SLC12A8: variants seen among roughly 807,000 people sequenced by gnomAD.
SLC12A8 encodes cation-chloride cotransporter 9.
A neutral mutation model predicts 75.6 loss-of-function variants in SLC12A8; 69 were observed. That is an observed-to-expected ratio of 0.91 (90% confidence interval 0.75 to 1.11). The LOEUF is 1.11. SLC12A8 is among the 50% of genes most tolerant of loss of function. The pLI is 0.00. For missense variants in SLC12A8, 877 were observed against 896.7 expected (o/e 0.98, Z 0.28); for synonymous variants, 365 against 372.8 (o/e 0.98, Z 0.24).
At chr3:125,153,648 A>ATTTATT (rs1283067302) in intron 5 of SLC12A8, among the ~76,000 whole-genome samples, 6 of 100,698 alleles carry the variant, frequency 6.0e-5, no homozygotes, top group African/African-American at 2.0e-4. Flanking sequence ...ATTTATTTAT[A>ATTTATT]TATTTTTTGA....
chr3:125,143,131 G>C (rs538827027), intron 5 of SLC12A8, among the ~76,000 whole-genome samples: 14 of 152,212 alleles, frequency 9.2e-5, no homozygotes, highest in Non-Finnish European at 1.8e-4. Context: ...CTGTTCAAAA[G>C]ACACGCAGAG....
At chr3:125,149,066 C>T (rs1017846829) in intron 5 of SLC12A8, among the ~76,000 whole-genome samples, 1 of 152,168 alleles carries the variant, frequency 6.6e-6, no homozygotes, top group Non-Finnish European at 1.5e-5. Flanking sequence ...GGGCGAGGCT[C>T]AGAAGTGTGG....
At chr3:125,137,289 AG>A (rs1933516711) in intron 5 of SLC12A8, among the ~76,000 whole-genome samples, 1 of 152,266 alleles carries the variant, frequency 6.6e-6, no homozygotes, top group Non-Finnish European at 1.5e-5. Context: ...TTGGGAGTCC[AG>A]TCAGGACTTA....
At position 125,187,139 on chromosome 3, in the gene SLC12A8, G is replaced by T. The variant is rs541703388; in HGVS notation, c.390+98C>A. 1.2e-5 allele frequency: 15 copies of T among 1,253,486 alleles called. No homozygotes were observed. The South Asian group carries it at 1.6e-4, about 14-fold the overall frequency. The allele number at this position is 1,253,486 out of a possible 1,614,324, so 77.6% of individuals were successfully genotyped here. A position where few individuals can be genotyped will look rare whatever the true frequency, so the allele number is the denominator to read the frequency against. ...TGCTCGTCTGTCACATGCGGCAATT[G>T]TCCCCACCCTCGCTTCTCCCCAGGT... On this transcript the variant is annotated intron_variant, in intron 4 of 13. Transcript: ENST00000469902.
Position 125,083,736 on chromosome 3 carries a change from AG to A in SLC12A8, c.*153del. Reference sequence around the variant, plus strand: ...GACTCTGTCTCAAAAAAAAAAAAAAAGGGAAAAGAAAATGTAGATTTCCATT... The same window carrying A: ...GACTCTGTCTCAAAAAAAAAAAAAAAGGAAAAGAAAATGTAGATTTCCATT... On this transcript the variant is annotated 3_prime_UTR_variant, in exon 14 of 14. Coordinates refer to ENST00000469902, the MANE Select transcript of SLC12A8 (RefSeq NM_024628.6). 1 of 744,672 alleles carries A rather than the reference AG, an allele frequency of 1.3e-6. No individual in the cohort carries two copies. The allele number at this position is 744,672 out of a possible 1,614,324, so 46.1% of individuals were successfully genotyped here. A position where few individuals can be genotyped will look rare whatever the true frequency, so the allele number is the denominator to read the frequency against.
At chr3:125,181,226 T>G (rs1019774258) in intron 4 of SLC12A8, among the ~76,000 whole-genome samples, 1 of 152,170 alleles carries the variant, frequency 6.6e-6, no homozygotes, top group Non-Finnish European at 1.5e-5. Flanking sequence ...AACGAGAATG[T>G]TTTATTCAAA....
intron 5 of SLC12A8, among the ~76,000 whole-genome samples, chr3:125,156,504 AAATC>A (rs1934054442): frequency 6.6e-6 from 1 of 152,252 alleles, no homozygotes; most frequent in Non-Finnish European, 1.5e-5. Flanking sequence ...ACGAGACAAA[AAATC>A]AATCAAAGTT....
intron 5 of SLC12A8, chr3:125,154,792 C>T (rs1318528147): frequency 3.9e-5 from 6 of 152,206 alleles, no homozygotes; most frequent in Non-Finnish European, 8.8e-5. Flanking sequence ...GAACGTCTCT[C>T]TCTCAAAATA....
intron 5 of SLC12A8, among the ~76,000 whole-genome samples, chr3:125,138,845 AACACACACACACACACACACACAC>A (rs3061221): frequency 4.4e-5 from 6 of 137,746 alleles, no homozygotes; most frequent in Non-Finnish European, 7.8e-5. Flanking sequence ...CCTTCTACAA[AACACACACACACACACACACACAC>A]ACACACACAC....
Position 125,083,840 on chromosome 3 carries a change from G to A in SLC12A8, c.*50C>T, listed in dbSNP as rs376552015. On this transcript the variant is annotated 3_prime_UTR_variant, in exon 14 of 14. Coordinates refer to ENST00000469902, the MANE Select transcript of SLC12A8 (RefSeq NM_024628.6). ...AGCTCCACGAAGGTCCTGAGCTTGG[G>A]TCCACTGTACATGGGACAGCTCCAA... 2.6e-6 allele frequency: 4 copies of A among 1,567,122 alleles called. No individual in the cohort carries two copies. The African/African-American group carries it at 5.4e-5, about 21-fold the overall frequency.
chr3:125,154,867 G>A (rs368373080), intron 5 of SLC12A8: 2 of 152,192 alleles, frequency 1.3e-5, no homozygotes, highest in African/African-American at 2.4e-5. Flanking sequence ...CCTACGTGAC[G>A]AGAAGTGAGG....
chr3:125,208,851 T>C (rs138960933), intron 2 of SLC12A8, among the ~76,000 whole-genome samples: 302 of 142,144 alleles, frequency 2.1e-3, no homozygotes, highest in Non-Finnish European at 3.3e-3. Flanking sequence ...CTAAAATGAT[T>C]AAAGCCAAAC....
intron 6 of SLC12A8, among the ~76,000 whole-genome samples, chr3:125,135,406 C>G (rs889470307): frequency 6.6e-6 from 1 of 152,090 alleles, no homozygotes; most frequent in Non-Finnish European, 1.5e-5. Context: ...TATCGAAGGC[C>G]TTCAGTAAAC....
intron 8 of SLC12A8, among the ~76,000 whole-genome samples, chr3:125,111,146 C>T (rs1163837218): frequency 6.6e-6 from 1 of 152,204 alleles, no homozygotes; most frequent in African/African-American, 2.4e-5. Context: ...GTGGTGCCCC[C>T]TCCACTAATC....
intron 5 of SLC12A8, among the ~76,000 whole-genome samples, chr3:125,175,200 CA>C (rs1180261694): frequency 6.6e-6 from 1 of 152,148 alleles, no homozygotes; most frequent in African/African-American, 2.4e-5. Flanking sequence ...ATAATCTCAA[CA>C]GAAAGATAGT....
At chr3:125,186,522 C>A (rs1295022966) in intron 4 of SLC12A8, among the ~76,000 whole-genome samples, 1 of 152,214 alleles carries the variant, frequency 6.6e-6, no homozygotes, top group Non-Finnish European at 1.5e-5. Flanking sequence ...CACCCACCAC[C>A]ATTTGCACTC....
rs776526345 is a variant in SLC12A8 at position 125,191,472 on chromosome 3, C to T, written c.52-951G>A. 1.0e-4 allele frequency among the ~76,000 whole-genome samples: 11 copies of T among 109,130 alleles called. No individual in the cohort carries two copies. In the Admixed American group the frequency reaches 1.6e-3, roughly 16 times the overall value. The allele number at this position is 109,130 out of a possible 152,430, so 71.6% of individuals were successfully genotyped here. A position where few individuals can be genotyped will look rare whatever the true frequency, so the allele number is the denominator to read the frequency against. On this transcript the variant is annotated intron_variant, in intron 2 of 13. Coordinates refer to ENST00000469902, the MANE Select transcript of SLC12A8 (RefSeq NM_024628.6). ...CCACAAACGACTACAGCAGTGATTA[C>T]GGTTCTCAGCTGGGTGGGGTGGGTG...
intron 4 of SLC12A8, among the ~76,000 whole-genome samples, chr3:125,181,691 TAGAG>T (rs1397992858): frequency 1.5e-5 from 2 of 130,560 alleles, no homozygotes; most frequent in African/African-American, 2.9e-5. Context: ...AAAAAGATAA[TAGAG>T]AGAAGTATTT....
chr3:125,083,802 A>T lies in SLC12A8; in HGVS notation c.*88T>A. On this transcript the variant is annotated 3_prime_UTR_variant, in exon 14 of 14. Coordinates refer to ENST00000469902, the MANE Select transcript of SLC12A8 (RefSeq NM_024628.6). ...CGGGAGGATGGGTCTTGAGTTTCTCAGGTTGGAGAAGCAGCTCCACGAAGG... is the reference window on the plus strand; with the variant it reads ...CGGGAGGATGGGTCTTGAGTTTCTCTGGTTGGAGAAGCAGCTCCACGAAGG... The T allele has an allele frequency of 7.7e-7, 1 of 1,292,804 alleles. No homozygotes were observed. Among genetic ancestry groups the T allele is most frequent in the Non-Finnish European group, 1.1e-6 (1 of 935,438 alleles). The allele number at this position is 1,292,804 out of a possible 1,614,324, so 80.1% of individuals were successfully genotyped here. A position where few individuals can be genotyped will look rare whatever the true frequency, so the allele number is the denominator to read the frequency against.
Sources: gnomAD v4.1 joint callset for allele counts (sites outside exome capture counted in the v4.1 genomes callset) on GRCh38, gnomAD v4.1.1 for gene constraint, MANE v1.5 for transcripts, NCBI Gene and HGNC (gene_info 2026-07-23, HGNC 2026-07-21) for gene names.